Variants in SELENOI observed in about 807,000 individuals in gnomAD.
SELENOI encodes ethanolaminephosphotransferase 1.
SELENOI carries 24 observed loss-of-function variants against 50.7 expected under a neutral mutation model. That is an observed-to-expected ratio of 0.47 (90% confidence interval 0.34 to 0.67). The LOEUF (loss-of-function observed/expected upper bound fraction) is 0.67. SELENOI is among the 30% of genes least tolerant of loss of function. SELENOI has a pLI of 0.01. For missense variants in SELENOI, 352 were observed against 461.4 expected, an observed-to-expected ratio of 0.76 and a Z score of 2.17; for synonymous variants, 155 against 170.2, an observed-to-expected ratio of 0.91 and a Z score of 0.70.
chr2:26,384,908 T>C, intron 7 of SELENOI, 51 bp from the exon 8 acceptor site: 1 of 1,363,232 alleles, frequency 7.3e-7, no homozygotes, highest in Non-Finnish European at 1.0e-6. Context: ...ACAAGTACTG[T>C]ACAATTTATA....
chr2:26,370,807 C>T (rs1406831213), intron 4 of SELENOI, among the ~76,000 whole-genome samples: 7 of 138,076 alleles, frequency 5.1e-5, no homozygotes, highest in South Asian at 4.7e-4. Flanking sequence ...ACCTCCCGGA[C>T]GGGGCGGCTG....
chr2:26,394,631 T>C lies in SELENOI; in HGVS notation c.*5528T>C, dbSNP rs1678046585. 1 of 151,886 alleles carries C rather than the reference T, an allele frequency of 6.6e-6. No individual in the cohort carries two copies. The highest frequency in any genetic ancestry group is 2.1e-4 in the South Asian group (1 of 4,812). 9.4% of individuals were successfully genotyped at this position (151,886 alleles called of 1,614,324 possible). ...AAGAAAGCAAAATTCATTATTGAAC[T>C]CTAAATTTCTGGGTGTTTTTTTTTT... On this transcript the variant is annotated 3_prime_UTR_variant, in exon 10 of 10. Coordinates refer to ENST00000260585, the MANE Select transcript of SELENOI (RefSeq NM_033505.4). The surrounding 1 kb of genome is among the most constrained non-coding windows in gnomAD (Gnocchi z 4.1).
chr2:26,346,296 C>G lies in SELENOI; in HGVS notation c.57+7C>G, dbSNP rs761110371. ...TGGCTTTGATAAGTACAAGGTACCGCGGGCCGGCGGATGCCCCTCTCCCTG... is the reference window on the plus strand; with the variant it reads ...TGGCTTTGATAAGTACAAGGTACCGGGGGCCGGCGGATGCCCCTCTCCCTG... On this transcript the variant is annotated splice_region_variant and intron_variant, in intron 1 of 9. Transcript: ENST00000260585. 6.2e-7 allele frequency: 1 copy of G among 1,606,952 alleles called. No homozygotes were observed. Among genetic ancestry groups the G allele is most frequent in the Non-Finnish European group, 8.5e-7 (1 of 1,175,602 alleles).
rs2147965391 is a variant in SELENOI, at chr2:26,389,868, T to C, written c.*765T>C. 1 of 152,052 alleles carries C rather than the reference T, an allele frequency of 6.6e-6. No homozygotes were observed. The highest frequency in any genetic ancestry group is 2.1e-4 in the South Asian group (1 of 4,782). The allele number at this position is 152,052 out of a possible 1,614,324, so 9.4% of individuals were successfully genotyped here. ...GAGATTTGGTGCCTGTGAGCTCTGA[T>C]TGTAGGAATGCATGTGACAGTCCCA... On this transcript the variant is annotated 3_prime_UTR_variant, in exon 10 of 10. Coordinates refer to ENST00000260585, the MANE Select transcript of SELENOI (RefSeq NM_033505.4).
chr2:26,346,382 C>T (rs1158929045), intron 1 of SELENOI, 93 bp downstream of exon 1: 1 of 1,388,876 alleles, frequency 7.2e-7, no homozygotes, highest in Non-Finnish European at 9.4e-7. Context: ...CACCTTGTGC[C>T]GCGTGGCTCC....
At chr2:26,347,753 A>G (rs1281572260) in intron 1 of SELENOI, among the ~76,000 whole-genome samples, 1 of 152,180 alleles carries the variant, frequency 6.6e-6, no homozygotes, top group African/African-American at 2.4e-5. Context: ...TAAAATAGCT[A>G]TTTCAATGGG....
At chr2:26,378,871 TCAC>T (rs1558420285) in intron 6 of SELENOI, among the ~76,000 whole-genome samples, 2 of 152,248 alleles carry the variant, frequency 1.3e-5, no homozygotes, top group African/African-American at 4.8e-5. Context: ...CGTAAATATT[TCAC>T]TGTGTATCTC....
intron 4 of SELENOI, among the ~76,000 whole-genome samples, chr2:26,370,455 C>A (rs1224445230): frequency 6.6e-6 from 1 of 151,834 alleles, no homozygotes; most frequent in Middle Eastern, 3.4e-3. Context: ...GCACCCCTCA[C>A]CTCCCGGACG....
intron 1 of SELENOI, 64 bp from the exon 2 acceptor site, chr2:26,364,238 A>C: frequency 8.5e-7 from 1 of 1,174,336 alleles, no homozygotes. Flanking sequence ...TCACCTAAGA[A>C]ATGTTATTCT....
At position 26,384,945 on chromosome 2, in the gene SELENOI, A is replaced by ATCTTTTTT; in HGVS notation, c.732-13_732-12insCTTTTTTT. Reference sequence around the variant, plus strand: ...GTAATAATGTTCTTTATATTACTTGATTTTTTTTTCCAGAAGCTATAAAAA... The same window carrying ATCTTTTTT: ...GTAATAATGTTCTTTATATTACTTGATCTTTTTTTTTTTTTTTCCAGAAGCTATAAAAA... On this transcript the variant is annotated splice_polypyrimidine_tract_variant and intron_variant, in intron 7 of 9. Transcript: ENST00000260585. 6.4e-7 allele frequency: 1 copy of ATCTTTTTT among 1,566,368 alleles called. No homozygotes were observed. The highest frequency in any genetic ancestry group is 1.8e-5 in the Admixed American group (1 of 55,858).
intron 9 of SELENOI, among the ~76,000 whole-genome samples, chr2:26,388,065 G>A (rs1677883771): frequency 6.6e-6 from 1 of 152,084 alleles, no homozygotes; most frequent in Admixed American, 6.5e-5. Flanking sequence ...AGATACAATT[G>A]TTAAGGAGAA....
At chr2:26,368,906 AT>A (rs1186720531) in intron 4 of SELENOI, among the ~76,000 whole-genome samples, 3 of 152,190 alleles carry the variant, frequency 2.0e-5, no homozygotes, top group Non-Finnish European at 4.4e-5. Context: ...AATCTGTAGT[AT>A]TTGGATAGGG....
chr2:26,370,068 G>A (rs1342325303), intron 4 of SELENOI, among the ~76,000 whole-genome samples: 1 of 150,852 alleles, frequency 6.6e-6, no homozygotes, highest in Non-Finnish European at 1.5e-5. Context: ...CTCTTAATGA[G>A]CATGCTGCCT....
intron 1 of SELENOI, among the ~76,000 whole-genome samples, chr2:26,356,484 G>T (rs895494331): frequency 2.6e-5 from 4 of 152,168 alleles, no homozygotes; most frequent in Non-Finnish European, 4.4e-5. Flanking sequence ...GTCCAAGAAG[G>T]TGTTTTCATA....
chr2:26,389,096 G>C lies in SELENOI; in HGVS notation c.1187G>C (p.Gly396Ala). 6.4e-7 allele frequency: 1 copy of C among 1,567,816 alleles called. No individual in the cohort carries two copies. The highest frequency in any genetic ancestry group is 8.7e-7 in the Non-Finnish European group (1 of 1,153,528). The stretch of plus-strand genomic sequence containing the variant: ...CTAGGAATGGAAGAAAAGAATATTG[G>C]CCTGTAATAATCTTTCTTTGGGCAC... ...DULGMEEKNI[G>A]L Residue 396 changes from glycine to alanine, a missense_variant, in exon 10 of 10, where the codon GGC (glycine) becomes GCC (alanine). Gly to Ala is a moderately conservative substitution (Grantham distance 60). Coordinates refer to ENST00000260585, the MANE Select transcript of SELENOI (RefSeq NM_033505.4).
rs869073468 is a variant in SELENOI at position 26,348,996 on chromosome 2, C to CTTTT, written c.57+2739_57+2742dup. ...CTACCCATCCTTTGTTTTGGACAGG[C>CTTTT]TTTTTTTTTTTTTTTTTTTTTTTTT... On this transcript the variant is annotated intron_variant, in intron 1 of 9. Transcript: ENST00000260585. Among the ~76,000 whole-genome samples, 82 of 57,718 alleles carry CTTTT rather than the reference C, an allele frequency of 1.4e-3. 5 individuals carry two copies. The highest frequency in any genetic ancestry group is 1.7e-3 in the Non-Finnish European group (47 of 27,882). The allele number at this position is 57,718 out of a possible 152,430, so 37.9% of individuals were successfully genotyped here.
intron 8 of SELENOI, 66 bp downstream of exon 8, chr2:26,385,205 GA>G (rs1677813917): frequency 6.0e-6 from 6 of 1,002,308 alleles, no homozygotes; most frequent in Non-Finnish European, 6.7e-6. Context: ...TTGATAATTT[GA>G]AAAATCTTTA....
intron 4 of SELENOI, among the ~76,000 whole-genome samples, chr2:26,371,412 A>G (rs1677442385): frequency 2.0e-5 from 3 of 150,580 alleles, no homozygotes; most frequent in Admixed American, 2.0e-4. Context: ...CACTTCCTAG[A>G]TGTGATGGCG....
chr2:26,384,362 C>G (rs985285651), intron 7 of SELENOI, among the ~76,000 whole-genome samples: 2 of 152,192 alleles, frequency 1.3e-5, no homozygotes, highest in African/African-American at 4.8e-5. Context: ...CAACGAGGCT[C>G]TCATTGGGCA....
Sources: gnomAD v4.1 joint callset for allele counts (sites outside exome capture counted in the v4.1 genomes callset) on GRCh38, gnomAD v4.1.1 for gene constraint, Gnocchi (gnomAD v3.1) non-coding constraint, MANE v1.5 for transcripts, NCBI Gene and HGNC (gene_info 2026-07-23, HGNC 2026-07-21) for gene names.